Variants in CLYBL observed in about 807,000 individuals in gnomAD.
The protein encoded by CLYBL is citramalyl-CoA lyase.
In CLYBL, 31 loss-of-function variants were observed where a neutral mutation model predicts 38.9. That is an observed-to-expected ratio of 0.80 (90% confidence interval 0.60 to 1.08). The LOEUF (loss-of-function observed/expected upper bound fraction) is 1.08. Among genes scored for constraint, CLYBL ranks in the 50% least tolerant of loss-of-function variants. CLYBL has a pLI of 0.00. For synonymous variants in CLYBL, 171 were observed against 158.6 expected (o/e 1.08, Z -0.59); for missense variants, 434 against 411.6 (o/e 1.05, Z -0.47).
chr13:99,675,007 T>A (rs1028584090), intron 1 of CLYBL, among the ~76,000 whole-genome samples: 1 of 152,168 alleles, frequency 6.6e-6, no homozygotes, highest in African/African-American at 2.4e-5. Context: ...GAATAGCTGC[T>A]GCATTCCAGT....
chr13:99,746,611 C>T (rs2048856013), intron 1 of CLYBL, among the ~76,000 whole-genome samples: 1 of 152,144 alleles, frequency 6.6e-6, no homozygotes, highest in Non-Finnish European at 1.5e-5. Context: ...AGTAAGGGAA[C>T]AAGTTTCTTC....
intron 1 of CLYBL, among the ~76,000 whole-genome samples, chr13:99,610,596 C>G (rs1033026150): frequency 6.6e-6 from 1 of 152,142 alleles, no homozygotes; most frequent in African/African-American, 2.4e-5. Context: ...AGTAAGTCTC[C>G]TAGTCTTTGC....
intron 7 of CLYBL, among the ~76,000 whole-genome samples, chr13:99,882,837 A>G (rs948295820): frequency 6.6e-6 from 1 of 152,094 alleles, no homozygotes; most frequent in Non-Finnish European, 1.5e-5. Flanking sequence ...AGTTGCCAAG[A>G]CAATCTTCCT....
chr13:99,776,340 CA>C (rs1212172197), intron 2 of CLYBL, among the ~76,000 whole-genome samples: 2 of 150,922 alleles, frequency 1.3e-5, no homozygotes, highest in East Asian at 3.9e-4. Flanking sequence ...ACTAAAAATA[CA>C]AAAAATCAGC....
At chr13:99,740,932 A>G (rs1009162541) in intron 1 of CLYBL, among the ~76,000 whole-genome samples, 7 of 152,214 alleles carry the variant, frequency 4.6e-5, no homozygotes. Context: ...GGGATGGTGC[A>G]GGGACCTGGG....
chr13:99,871,717 C>T (rs1328524081), intron 7 of CLYBL, among the ~76,000 whole-genome samples: 1 of 152,140 alleles, frequency 6.6e-6, no homozygotes, highest in East Asian at 1.9e-4. Flanking sequence ...GTGCCAGTAA[C>T]ACTTAAATTA....
chr13:99,826,594 A>T (rs2050700270), intron 2 of CLYBL, among the ~76,000 whole-genome samples: 1 of 152,246 alleles, frequency 6.6e-6, no homozygotes, highest in Non-Finnish European at 1.5e-5. Context: ...CAACTGTGTT[A>T]CTGGAACAAC....
At chr13:99,638,946 C>T (rs1408769782) in intron 1 of CLYBL, among the ~76,000 whole-genome samples, 1 of 152,178 alleles carries the variant, frequency 6.6e-6, no homozygotes, top group Non-Finnish European at 1.5e-5. Context: ...GAGCTGGGAT[C>T]GCAACCACAG....
chr13:99,862,222 TTCTC>T (rs1276671038), intron 3 of CLYBL, among the ~76,000 whole-genome samples: 2 of 152,216 alleles, frequency 1.3e-5, no homozygotes, highest in Non-Finnish European at 2.9e-5. Flanking sequence ...CCTGTGTTTC[TTCTC>T]TATCTATCTC....
At chr13:99,735,493 G>A (rs74788136) in intron 1 of CLYBL, among the ~76,000 whole-genome samples, 3,956 of 151,434 alleles carry the variant, frequency 0.026, 89 homozygotes, top group Non-Finnish European at 0.04. Context: ...ACCACACCCA[G>A]CATTTTTTTT....
At chr13:99,780,258 C>G (rs1473171959) in intron 2 of CLYBL, among the ~76,000 whole-genome samples, 1 of 152,188 alleles carries the variant, frequency 6.6e-6, no homozygotes, top group African/African-American at 2.4e-5. Flanking sequence ...ACAGCAACAT[C>G]AACTTTCCTT....
intron 7 of CLYBL, among the ~76,000 whole-genome samples, chr13:99,890,280 T>C (rs1490018225): frequency 2.0e-5 from 3 of 152,166 alleles, no homozygotes; most frequent in Non-Finnish European, 2.9e-5. Context: ...CTTCTTTTAC[T>C]ACTCTGAGCC....
At chr13:99,848,669 A>C (rs1011216324) in intron 2 of CLYBL, among the ~76,000 whole-genome samples, 4 of 152,140 alleles carry the variant, frequency 2.6e-5, no homozygotes, top group Non-Finnish European at 4.4e-5. Flanking sequence ...ACCACTCCCC[A>C]TTCCTCTGCC....
intron 1 of CLYBL, among the ~76,000 whole-genome samples, chr13:99,746,438 T>C (rs559637328): frequency 6.6e-6 from 1 of 151,880 alleles, no homozygotes; most frequent in Non-Finnish European, 1.5e-5. Flanking sequence ...TTTCTGGTGG[T>C]CTCATGGTAA....
chr13:99,864,974 T>TTTTC (rs1205645375), intron 5 of CLYBL, 63 bp downstream of exon 5: 1 of 1,208,340 alleles, frequency 8.3e-7, no homozygotes, highest in Non-Finnish European at 1.2e-6. Context: ...TGTATATATT[T>TTTTC]TTTCTTTGCC....
chr13:99,828,682 AG>A (rs899795644), intron 2 of CLYBL, among the ~76,000 whole-genome samples: 1 of 152,212 alleles, frequency 6.6e-6, no homozygotes, highest in African/African-American at 2.4e-5. Context: ...CTACAAGGAA[AG>A]GCATGGGGTA....
chr13:99,692,933 G>T (rs549160055), intron 1 of CLYBL, among the ~76,000 whole-genome samples: 54 of 151,750 alleles, frequency 3.6e-4, no homozygotes, highest in African/African-American at 1.2e-3. Context: ...GCCCAGTAAT[G>T]TTCAATTGTA....
intron 1 of CLYBL, among the ~76,000 whole-genome samples, chr13:99,641,436 G>A (rs183121506): frequency 2.7e-3 from 414 of 152,182 alleles, no homozygotes; most frequent in African/African-American, 9.4e-3. Context: ...TTGGGAGGCC[G>A]AGGTGGGTGG....
intron 2 of CLYBL, among the ~76,000 whole-genome samples, chr13:99,830,336 T>C (rs1594208632): frequency 6.6e-6 from 1 of 152,332 alleles, no homozygotes; most frequent in Non-Finnish European, 1.5e-5. Flanking sequence ...AGTGCCCTCC[T>C]GGTAGAGATG....
Sources: gnomAD v4.1 joint callset for allele counts (sites outside exome capture counted in the v4.1 genomes callset) on GRCh38, gnomAD v4.1.1 for gene constraint, MANE v1.5 for transcripts, NCBI Gene and HGNC (gene_info 2026-07-23, HGNC 2026-07-21) for gene names.